Variants in RAB11FIP3 observed in about 807,000 individuals in gnomAD.
RAB11FIP3 encodes RAB11 family interacting protein 3.
A neutral mutation model predicts 77.8 loss-of-function variants in RAB11FIP3; 17 were observed. The ratio of observed to expected loss-of-function variants is 0.22; its 90% confidence interval spans 0.15 to 0.33. The LOEUF (loss-of-function observed/expected upper bound fraction) is 0.33. Ranked by LOEUF, RAB11FIP3 falls within the 10% of genes least tolerant of loss-of-function variation. RAB11FIP3 has a pLI of 1.00. For missense variants in RAB11FIP3, 1,005 were observed against 1,011.2 expected (o/e 0.99, Z 0.08); for synonymous variants, 437 against 448.2 (o/e 0.98, Z 0.31).
intron 1 of RAB11FIP3, among the ~76,000 whole-genome samples, chr16:437,374 G>T (rs1182152396): frequency 1.3e-5 from 2 of 151,704 alleles, no homozygotes; most frequent in African/African-American, 2.4e-5. Flanking sequence ...TTCTAGACCA[G>T]TGTGGCCAAC....
At chr16:486,534 T>C (rs1317399239) in intron 4 of RAB11FIP3, among the ~76,000 whole-genome samples, 2 of 152,158 alleles carry the variant, frequency 1.3e-5, no homozygotes, top group Non-Finnish European at 2.9e-5. Flanking sequence ...GGGACACACA[T>C]TTTGAACAGC....
chr16:520,677 T>C (rs761451210), intron 13 of RAB11FIP3, 49 bp from the exon 14 acceptor site: 1 of 1,610,926 alleles, frequency 6.2e-7, no homozygotes, highest in Admixed American at 1.7e-5. Flanking sequence ...TTATGCGCTG[T>C]GGCCTGTGGC....
At chr16:468,088 A>G (rs36191299) in intron 2 of RAB11FIP3, among the ~76,000 whole-genome samples, 1 of 25,360 alleles carries the variant, frequency 3.9e-5, no homozygotes, top group East Asian at 1.0e-3. Context: ...GAGGAGGTGC[A>G]GGGGCGTCAG....
intron 3 of RAB11FIP3, chr16:477,580 G>A (rs1029249021): frequency 4.1e-6 from 4 of 981,508 alleles, no homozygotes; most frequent in Non-Finnish European, 4.8e-6. Flanking sequence ...CGTCCCGCAG[G>A]CCCAGCACAG....
At chr16:458,274 C>T (rs980546335) in intron 1 of RAB11FIP3, among the ~76,000 whole-genome samples, 1 of 152,234 alleles carries the variant, frequency 6.6e-6, no homozygotes, top group Non-Finnish European at 1.5e-5. Flanking sequence ...CGTGCTACAC[C>T]CCCCATCCTT....
At position 496,672 on chromosome 16, in the gene RAB11FIP3, T is replaced by C. The variant is rs994137660; in HGVS notation, c.1266-152T>C. 11 of 705,976 alleles carry C rather than the reference T, an allele frequency of 1.6e-5. 1 individual carries two copies. In the Admixed American group the frequency reaches 2.5e-4, roughly 16 times the overall value. The allele number at this position is 705,976 out of a possible 1,614,324, so 43.7% of individuals were successfully genotyped here. A position where few individuals can be genotyped will look rare whatever the true frequency, so the allele number is the denominator to read the frequency against. On this transcript the variant is annotated intron_variant, in intron 5 of 13. Transcript: ENST00000262305. ...TCCTTGCTGTTTTGCTGAGTGAGCA[T>C]TTGTGCATGGACTTGCCTGGGGGGC...
chr16:434,269 G>A (rs543987105), intron 1 of RAB11FIP3, among the ~76,000 whole-genome samples: 4 of 152,128 alleles, frequency 2.6e-5, no homozygotes, highest in Non-Finnish European at 4.4e-5. Context: ...TTACAAGCAT[G>A]TGCCACCATG....
chr16:488,132 A>G (rs551586453), intron 4 of RAB11FIP3, among the ~76,000 whole-genome samples: 5 of 152,264 alleles, frequency 3.3e-5, no homozygotes, highest in African/African-American at 4.8e-5. Flanking sequence ...TGTAATCCCA[A>G]CACTTTGGGA....
chr16:452,033 CAGCTACTCGGGAGGCTGATG>C (rs2141616358), intron 1 of RAB11FIP3, among the ~76,000 whole-genome samples: 1 of 152,198 alleles, frequency 6.6e-6, no homozygotes, highest in African/African-American at 2.4e-5. Context: ...CCTGTAATCC[CAGCTACTCGGGAGGCTGATG>C]AGGGAGAATC....
chr16:509,028 C>T (rs763454787), intron 8 of RAB11FIP3, among the ~76,000 whole-genome samples: 9 of 152,118 alleles, frequency 5.9e-5, no homozygotes, highest in Admixed American at 5.2e-4. Context: ...TTCAGCCTCC[C>T]GAGTAGCTGG....
At chr16:510,130 C>T (rs113060455) in intron 8 of RAB11FIP3, among the ~76,000 whole-genome samples, 2 of 144,732 alleles carry the variant, frequency 1.4e-5, no homozygotes, top group African/African-American at 2.7e-5. Flanking sequence ...GGGCTCTGAG[C>T]GCACTCGTTG....
At chr16:479,170 T>A (rs903567140) in intron 3 of RAB11FIP3, among the ~76,000 whole-genome samples, 4 of 152,096 alleles carry the variant, frequency 2.6e-5, no homozygotes, top group Non-Finnish European at 5.9e-5. Flanking sequence ...GGCAGGCAGA[T>A]CACTTGAGCT....
rs570890108 is a variant in RAB11FIP3, at chr16:506,680, T to C, written c.1499+1053T>C. ...CCATCTGCCCTGTGAGCGCTGAGAA[T>C]TGGAATGCCTCATGGGATTGTGGGC... On this transcript the variant is annotated intron_variant, in intron 8 of 13. Coordinates refer to ENST00000262305, the MANE Select transcript of RAB11FIP3 (RefSeq NM_014700.4). This position sits in a 1 kb window ranked among gnomAD's most constrained non-coding sequence, Gnocchi z 4.5. Among the ~76,000 whole-genome samples, 210 of 152,350 alleles carry C rather than the reference T, an allele frequency of 1.4e-3. No homozygotes were observed. Among genetic ancestry groups the C allele is most frequent in the African/African-American group, 4.9e-3 (205 of 41,578 alleles).
intron 10 of RAB11FIP3, 144 bp downstream of exon 10, chr16:519,168 G>A (rs1199921321): frequency 8.5e-6 from 7 of 821,220 alleles, no homozygotes; most frequent in South Asian, 3.2e-5. Context: ...GGCCCAGGCC[G>A]CTGGAAGACA....
At position 426,305 on chromosome 16, in the gene RAB11FIP3, T is replaced by C; in HGVS notation, c.299T>C (p.Leu100Pro). 1.6e-6 allele frequency: 2 copies of C among 1,289,374 alleles called. No homozygotes were observed. Among genetic ancestry groups the C allele is most frequent in the Non-Finnish European group, 2.0e-6 (2 of 1,020,554 alleles). 79.9% of individuals were successfully genotyped at this position (1,289,374 alleles called of 1,614,324 possible). ...CCGCGCTCCGGCCCGCGGGGGCAGC[T>C]TGCGAGCCCCGACGCCCCGGGCCCA... ...PPPRSGPRGQ[L>P]ASPDAPGPGP... The change falls in exon 1 of 14, where the codon CTT becomes CCT. Residue 100 changes from leucine (L) to proline (P), a missense_variant. By Grantham distance (98) the Leu-to-Pro change is moderately conservative. Transcript: ENST00000262305. The surrounding 1 kb of genome is among the most constrained non-coding windows in gnomAD (Gnocchi z 5.0).
intron 4 of RAB11FIP3, among the ~76,000 whole-genome samples, chr16:483,264 G>A (rs6600221): frequency 0.15 from 23,177 of 152,094 alleles, 2,579 homozygotes; most frequent in African/African-American, 0.31. Flanking sequence ...CGCTCAGCAC[G>A]CTGAAGTGTA....
At chr16:465,823 G>C (rs537591033) in intron 2 of RAB11FIP3, among the ~76,000 whole-genome samples, 4 of 152,052 alleles carry the variant, frequency 2.6e-5, no homozygotes, top group Non-Finnish European at 5.9e-5. Flanking sequence ...CAGGCTGGTC[G>C]TGAACTCCTG....
At chr16:444,448 A>G (rs1253686892) in intron 1 of RAB11FIP3, among the ~76,000 whole-genome samples, 2 of 152,174 alleles carry the variant, frequency 1.3e-5, no homozygotes, top group Non-Finnish European at 2.9e-5. Context: ...AAAAGAAATT[A>G]TGATACTGAT....
rs1472851073 is a variant in RAB11FIP3 at position 461,165 on chromosome 16, G to A, written c.715-239G>A. 6.6e-6 allele frequency among the ~76,000 whole-genome samples: 1 copy of A among 152,134 alleles called. No individual in the cohort carries two copies. The highest frequency in any genetic ancestry group is 2.4e-5 in the African/African-American group (1 of 41,426). On this transcript the variant is annotated intron_variant, in intron 1 of 13. Transcript: ENST00000262305. This position sits in a 1 kb window ranked among gnomAD's most constrained non-coding sequence, Gnocchi z 4.5. The stretch of plus-strand genomic sequence containing the variant: ...CCGGCGTTAGAGTCTCATAAGGAGC[G>A]CGCAACCTGGACCCCTCGCATGCGG...
Sources: allele counts gnomAD v4.1 joint callset (sites outside exome capture counted in the v4.1 genomes callset), GRCh38; gene constraint gnomAD v4.1.1; non-coding constraint Gnocchi (gnomAD v3.1); transcripts MANE v1.5; gene names NCBI Gene and HGNC (gene_info 2026-07-23, HGNC 2026-07-21).